NRG1: variants seen among roughly 807,000 people sequenced by gnomAD.
NRG1 encodes neuregulin 1.
NRG1 carries 18 observed loss-of-function variants against 63.8 expected under a neutral mutation model. The ratio of observed to expected loss-of-function variants is 0.28; its 90% CI spans 0.19 to 0.42. The LOEUF (loss-of-function observed/expected upper bound fraction) is 0.42, where lower values mean the gene tolerates loss of function less well. Ranked by LOEUF, NRG1 falls within the 10% of genes least tolerant of loss-of-function variation. The probability of loss-of-function intolerance (pLI) is 1.00; values close to 1 mark genes in which losing one functional copy is unlikely to be tolerated. For missense variants in NRG1, 762 were observed against 814.7 expected, an observed-to-expected ratio of 0.94 and a Z score of 0.79; for synonymous variants, 302 against 301.3, an observed-to-expected ratio of 1.00 and a Z score of -0.02.
chr8:32,192,939 C>T (rs1842633657), intron 1 of NRG1, among the ~76,000 whole-genome samples: 1 of 152,000 alleles, frequency 6.6e-6, no homozygotes, highest in Non-Finnish European at 1.5e-5. Context: ...CAACATAGTA[C>T]ATCATTTATT....
chr8:31,853,456 G>GATTTTGTA (rs900157225), intron 1 of NRG1, among the ~76,000 whole-genome samples: 1 of 149,716 alleles, frequency 6.7e-6, no homozygotes, highest in Non-Finnish European at 1.5e-5. Context: ...TTTGTACATT[G>GATTTTGTA]ATTTTGTATC....
Position 31,688,628 on chromosome 8 carries a change from A to G in NRG1, c.37+49197A>G, listed in dbSNP as rs1363755009. Among the ~76,000 whole-genome samples the G allele has an allele frequency of 2.6e-5, 4 of 152,250 alleles. No individual in the cohort carries two copies. In the South Asian group the frequency reaches 8.3e-4, roughly 31 times the overall value. On this transcript the variant is annotated intron_variant, in intron 1 of 10. Coordinates refer to the NRG1 transcript ENST00000519301. ...ACCAGTTTGCCGACTATACACATATATACACTATGATTATATTTTTATTTA... is the reference window on the plus strand; with the variant it reads ...ACCAGTTTGCCGACTATACACATATGTACACTATGATTATATTTTTATTTA...
intron 1 of NRG1, among the ~76,000 whole-genome samples, chr8:31,752,206 G>C (rs532023113): frequency 2.4e-4 from 36 of 152,160 alleles, no homozygotes; most frequent in African/African-American, 7.7e-4. Flanking sequence ...CAAGGTAATT[G>C]ATGTTTCAAA....
At chr8:32,171,465 G>A (rs1188359701) in intron 1 of NRG1, 5 of 152,508 alleles carry the variant, frequency 3.3e-5, no homozygotes, top group East Asian at 3.9e-4. Flanking sequence ...TGAGGTACTG[G>A]GCTTATCTCA....
chr8:32,174,207 C>T (rs1230666295), intron 1 of NRG1, among the ~76,000 whole-genome samples: 2 of 152,140 alleles, frequency 1.3e-5, no homozygotes, highest in Non-Finnish European at 2.9e-5. Flanking sequence ...CGCTCAACTA[C>T]AAGGAAACTG....
chr8:32,102,345 C>T (rs1434596664), intron 1 of NRG1, among the ~76,000 whole-genome samples: 1 of 152,012 alleles, frequency 6.6e-6, no homozygotes, highest in Non-Finnish European at 1.5e-5. Context: ...GCTATGTTGC[C>T]CAGGCTGGTC....
intron 1 of NRG1, among the ~76,000 whole-genome samples, chr8:31,810,929 T>G (rs1303430138): frequency 6.6e-6 from 1 of 152,202 alleles, no homozygotes; most frequent in African/African-American, 2.4e-5. Context: ...TTACTGTGAA[T>G]CTGGAGTCAG....
At chr8:32,457,505 C>T (rs1266511222) in intron 1 of NRG1, among the ~76,000 whole-genome samples, 6 of 152,136 alleles carry the variant, frequency 3.9e-5, no homozygotes, top group South Asian at 4.1e-4. Flanking sequence ...AGAGAACTCC[C>T]TTGTAATATA....
intron 1 of NRG1, among the ~76,000 whole-genome samples, chr8:32,037,724 T>C (rs1277379051): frequency 2.6e-5 from 4 of 152,184 alleles, no homozygotes; most frequent in Non-Finnish European, 5.9e-5. Context: ...ACAGCTGCTG[T>C]GCTGCGCTGT....
intron 1 of NRG1, among the ~76,000 whole-genome samples, chr8:31,684,832 G>A (rs749507343): frequency 6.6e-6 from 1 of 151,648 alleles, no homozygotes; most frequent in Non-Finnish European, 1.5e-5. Context: ...GTTCACTGGT[G>A]TTTTTGCCTC....
At chr8:31,727,203 A>G (rs1180996353) in intron 1 of NRG1, among the ~76,000 whole-genome samples, 2 of 152,176 alleles carry the variant, frequency 1.3e-5, no homozygotes, top group East Asian at 3.9e-4. Flanking sequence ...ATGTAAATAA[A>G]TAATTAAAAC....
chr8:32,765,086 CATTT>C (rs1208052321), exon 12 of NRG1: 1 of 152,132 alleles, frequency 6.6e-6, no homozygotes, highest in Non-Finnish European at 1.5e-5. Context: ...AAGGAGCTCT[CATTT>C]ACTTTATTTG....
chr8:31,809,741 G>GTTTTTTTTTTTTTTTTTTTTTTTGTATTT (rs753730069), intron 1 of NRG1, among the ~76,000 whole-genome samples: 1 of 68,018 alleles, frequency 1.5e-5, no homozygotes, highest in Non-Finnish European at 2.6e-5. Context: ...TCTATTAATT[G>GTTTTTTTTTTTTTTTTTTTTTTTGTATTT]TTTTTTTTTT....
intron 1 of NRG1, among the ~76,000 whole-genome samples, chr8:32,434,512 C>G (rs1056515499): frequency 2.6e-5 from 4 of 152,154 alleles, no homozygotes; most frequent in Admixed American, 2.6e-4. Flanking sequence ...TAACTGAACT[C>G]TTAATGCCCC....
Position 32,275,609 on chromosome 8 carries a change from A to G in NRG1, c.38-320219A>G, listed in dbSNP as rs1021617574. Among the ~76,000 whole-genome samples, 8 of 152,286 alleles carry G rather than the reference A, an allele frequency of 5.3e-5. No individual in the cohort carries two copies. The East Asian group carries it at 7.7e-4, about 15-fold the overall frequency. ...AGGTTGAGTGTCCACAAGAGCCCCA[A>G]TTAACTACAGGAGGGTGAGCAAGGA... On this transcript the variant is annotated intron_variant, in intron 1 of 10. Transcript: ENST00000519301.
intron 1 of NRG1, among the ~76,000 whole-genome samples, chr8:31,818,842 G>A (rs1218531058): frequency 6.6e-6 from 1 of 152,106 alleles, no homozygotes; most frequent in African/African-American, 2.4e-5. Context: ...CAGATCACGA[G>A]GTCAGGATAT....
upstream of NRG1, chr8:32,548,191 T>A: frequency 2.1e-6 from 2 of 957,464 alleles, no homozygotes; most frequent in Non-Finnish European, 2.5e-6. Context: ...GGGGGTGTGG[T>A]GGGGAAGAGG....
intron 1 of NRG1, among the ~76,000 whole-genome samples, chr8:32,543,073 T>C (rs954407262): frequency 3.3e-5 from 5 of 152,172 alleles, no homozygotes; most frequent in African/African-American, 4.8e-5. Flanking sequence ...GTTCATTCTA[T>C]CCAAAGTATT....
chr8:31,737,907 A>G (rs969305022), intron 1 of NRG1, among the ~76,000 whole-genome samples: 5 of 152,120 alleles, frequency 3.3e-5, no homozygotes, highest in Non-Finnish European at 7.4e-5. Context: ...GTCATCTAGT[A>G]AAGAATTCTG....
Sources: allele counts gnomAD v4.1 joint callset (sites outside exome capture counted in the v4.1 genomes callset), GRCh38; gene constraint gnomAD v4.1.1; transcripts MANE v1.5; gene names NCBI Gene and HGNC (gene_info 2026-07-23, HGNC 2026-07-21).